Variants in TMOD3 observed in about 807,000 individuals in gnomAD.
TMOD3 encodes tropomodulin 3, also known as tropomodulin-3.
In TMOD3, 20 loss-of-function variants were observed where a neutral mutation model predicts 39.2. The observed-to-expected ratio is 0.51, with a 90% CI of 0.36 to 0.74. TMOD3 has a LOEUF of 0.74. TMOD3 is among the 30% of genes least tolerant of loss of function. TMOD3 has a pLI of 0.00. For synonymous variants in TMOD3, 143 were observed against 145.8 expected, an observed-to-expected ratio of 0.98 and a Z score of 0.14; for missense variants, 381 against 412.8, an observed-to-expected ratio of 0.92 and a Z score of 0.67.
chr15:51,887,025 C>A (rs1412222657), intron 3 of TMOD3, among the ~76,000 whole-genome samples: 1 of 151,922 alleles, frequency 6.6e-6, no homozygotes, highest in African/African-American at 2.4e-5. Flanking sequence ...TTGAGACCAG[C>A]CTGGCCAACA....
intron 1 of TMOD3, among the ~76,000 whole-genome samples, chr15:51,854,282 A>G (rs184222415): frequency 1.1e-4 from 16 of 152,368 alleles, no homozygotes; most frequent in African/African-American, 3.8e-4. Flanking sequence ...ACATAAATGA[A>G]TGAATGTGAA....
At chr15:51,889,445 G>A (rs2056581355) in intron 5 of TMOD3, among the ~76,000 whole-genome samples, 1 of 152,026 alleles carries the variant, frequency 6.6e-6, no homozygotes, top group Non-Finnish European at 1.5e-5. Context: ...TAATTTTCAA[G>A]AAATACATAA....
intron 1 of TMOD3, among the ~76,000 whole-genome samples, chr15:51,858,698 C>G (rs1054848717): frequency 2.0e-5 from 3 of 152,130 alleles, no homozygotes; most frequent in African/African-American, 4.8e-5. Flanking sequence ...CAAAACTGTA[C>G]TTTCTCCTTC....
chr15:51,856,948 A>G (rs2056390807), intron 1 of TMOD3, among the ~76,000 whole-genome samples: 1 of 152,242 alleles, frequency 6.6e-6, no homozygotes, highest in African/African-American at 2.4e-5. Context: ...TCTCTCACGC[A>G]TGTGTACCAG....
At chr15:51,830,928 A>C (rs996520169) in intron 1 of TMOD3, among the ~76,000 whole-genome samples, 1 of 152,174 alleles carries the variant, frequency 6.6e-6, no homozygotes, top group African/African-American at 2.4e-5. Context: ...ATTCCTACGA[A>C]AGGAACAAAA....
rs33983902 is a variant in TMOD3, at chr15:51,864,264, C to CAAAAA, written c.126+1269_126+1273dup. On this transcript the variant is annotated intron_variant, in intron 2 of 9. Transcript: ENST00000308580. Reference sequence around the variant, plus strand: ...TTGGGTGACAGAGCAAGACTTATCTCAAAAAAAAAAAAAAAAAAACTGGAA... The same window carrying CAAAAA: ...TTGGGTGACAGAGCAAGACTTATCTCAAAAAAAAAAAAAAAAAAAAAAAACTGGAA... Among the ~76,000 whole-genome samples, 54 of 104,018 alleles carry CAAAAA rather than the reference C, an allele frequency of 5.2e-4. 1 individual carries two copies. Among genetic ancestry groups the CAAAAA allele is most frequent in the African/African-American group, 2.0e-3 (53 of 26,720 alleles). 68.2% of individuals were successfully genotyped at this position (104,018 alleles called of 152,430 possible). A position where few individuals can be genotyped will look rare whatever the true frequency, so the allele number is the denominator to read the frequency against.
Position 51,887,710 on chromosome 15 carries a change from A to G in TMOD3, c.405A>G (p.Ala135=), listed in dbSNP as rs1464849411. 6.2e-7 allele frequency: 1 copy of G among 1,613,588 alleles called. No homozygotes were observed. Among genetic ancestry groups the G allele is most frequent in the Non-Finnish European group, 8.5e-7 (1 of 1,179,896 alleles). The change falls in exon 4 of 10, where the codon GCA becomes GCG. Residue 135 remains alanine (A), a splice_region_variant and synonymous_variant. Coordinates refer to ENST00000308580, the MANE Select transcript of TMOD3 (RefSeq NM_014547.5). ...SASDTELCDL[A]AILGMHNLIT... ...CTGATACAGAATTGTGTGACCTCGCAGGTATCACCTAAAACAAGTTAATTT... is the reference window on the plus strand; with the variant it reads ...CTGATACAGAATTGTGTGACCTCGCGGGTATCACCTAAAACAAGTTAATTT...
At chr15:51,841,385 G>C (rs1173424981) in intron 1 of TMOD3, among the ~76,000 whole-genome samples, 5 of 152,136 alleles carry the variant, frequency 3.3e-5, no homozygotes, top group African/African-American at 1.2e-4. Flanking sequence ...ATATTATCCT[G>C]AACTCCTGTT....
chr15:51,836,537 C>T (rs988097162), intron 1 of TMOD3, among the ~76,000 whole-genome samples: 2 of 151,870 alleles, frequency 1.3e-5, no homozygotes, highest in Non-Finnish European at 1.5e-5. Context: ...CCATCCTGGC[C>T]AACATGGTGA....
At chr15:51,865,061 A>G (rs963463603) in intron 2 of TMOD3, among the ~76,000 whole-genome samples, 21 of 152,254 alleles carry the variant, frequency 1.4e-4, no homozygotes, top group African/African-American at 4.6e-4. Context: ...GTGATAGCTC[A>G]CTGCAGCCTC....
At chr15:51,884,848 A>G (rs1482857091) in intron 3 of TMOD3, among the ~76,000 whole-genome samples, 1 of 152,142 alleles carries the variant, frequency 6.6e-6, no homozygotes, top group African/African-American at 2.4e-5. Context: ...TGCTAAACCA[A>G]CCCTAGAACC....
chr15:51,830,736 G>C (rs1453483072), intron 1 of TMOD3, among the ~76,000 whole-genome samples: 1 of 152,122 alleles, frequency 6.6e-6, no homozygotes, highest in Admixed American at 6.6e-5. Context: ...CTCCTTTTCT[G>C]AGAAACCTTC....
intron 1 of TMOD3, among the ~76,000 whole-genome samples, chr15:51,861,493 A>G (rs1379206003): frequency 6.6e-6 from 1 of 152,198 alleles, no homozygotes; most frequent in African/African-American, 2.4e-5. Flanking sequence ...TTAAAATGTT[A>G]CTGGTTTGCA....
chr15:51,871,682 G>A (rs748200080), intron 3 of TMOD3, among the ~76,000 whole-genome samples: 29 of 152,086 alleles, frequency 1.9e-4, no homozygotes, highest in African/African-American at 6.0e-4. Context: ...GAAGAATTAC[G>A]GAAAATAAGA....
At chr15:51,891,938 A>G (rs888054163) in intron 5 of TMOD3, among the ~76,000 whole-genome samples, 1 of 152,196 alleles carries the variant, frequency 6.6e-6, no homozygotes, top group African/African-American at 2.4e-5. Flanking sequence ...CTCAACTTCT[A>G]CAGGATAAAT....
At chr15:51,834,809 A>G (rs1490188802) in intron 1 of TMOD3, among the ~76,000 whole-genome samples, 2 of 152,236 alleles carry the variant, frequency 1.3e-5, no homozygotes, top group African/African-American at 2.4e-5. Flanking sequence ...CCTGAGGGCC[A>G]GAGTAAGACC....
rs752840334 is a variant in TMOD3 at position 51,872,408 on chromosome 15, A to C, written c.283+3035A>C. Among the ~76,000 whole-genome samples the C allele has an allele frequency of 1.3e-4, 19 of 151,932 alleles. No homozygotes were observed. In the Middle Eastern group the frequency reaches 0.01, roughly 82 times the overall value. On this transcript the variant is annotated intron_variant, in intron 3 of 9. Transcript: ENST00000308580. The stretch of plus-strand genomic sequence containing the variant: ...GACCCTGTCTCAAAAAAAAAAAGGT[A>C]ACATCAGCACCCACTGAAGGCCCTA...
intron 3 of TMOD3, among the ~76,000 whole-genome samples, chr15:51,886,294 A>C (rs1290258588): frequency 6.6e-6 from 1 of 152,174 alleles, no homozygotes; most frequent in East Asian, 1.9e-4. Context: ...CAATCTGGGC[A>C]CTTTGGGAGG....
In TMOD3 at chr15:51,904,053, G is replaced by A. The variant is rs1016968521; in HGVS notation, c.1024+2017G>A. ...ACACACTACAGAAAAGTGACAGAGC[G>A]AGTTTCCTTAGAAGTTCTGATTTAG... On this transcript the variant is annotated intron_variant, in intron 9 of 9. Transcript: ENST00000308580. Among the ~76,000 whole-genome samples, 11 of 152,200 alleles carry A rather than the reference G, an allele frequency of 7.2e-5. No individual in the cohort carries two copies. The East Asian group carries it at 1.5e-3, about 21-fold the overall frequency.
Sources: allele counts gnomAD v4.1 joint callset (sites outside exome capture counted in the v4.1 genomes callset), GRCh38; gene constraint gnomAD v4.1.1; transcripts MANE v1.5; gene names NCBI Gene and HGNC (gene_info 2026-07-23, HGNC 2026-07-21).